The following CERS3 variants were observed in gnomAD, a reference collection of about 807,000 sequenced individuals.
CERS3 encodes the protein LAG1 homolog, ceramide synthase 3.
A neutral mutation model predicts 50.3 loss-of-function variants in CERS3; 33 were observed. The observed-to-expected ratio is 0.66, with a 90% CI of 0.50 to 0.88. The LOEUF (loss-of-function observed/expected upper bound fraction) is 0.88, where lower values mean the gene tolerates loss of function less well. Ranked by LOEUF, CERS3 falls within the 40% of genes least tolerant of loss-of-function variation. The pLI is 0.00. For synonymous variants in CERS3, 176 were observed against 155.2 expected, an observed-to-expected ratio of 1.13 and a Z score of -0.99; for missense variants, 470 against 460.3, an observed-to-expected ratio of 1.02 and a Z score of -0.19.
intron 5 of CERS3, among the ~76,000 whole-genome samples, chr15:100,483,787 A>ATTATTATTTATT (rs760594142): frequency 1.0e-5 from 1 of 100,040 alleles, no homozygotes; most frequent in Non-Finnish European, 1.9e-5. Context: ...TATTATTATT[A>ATTATTATTTATT]TTTTTTTTTT....
At chr15:100,539,424 A>ACTTT (rs2037148440) in intron 1 of CERS3, among the ~76,000 whole-genome samples, 1 of 152,208 alleles carries the variant, frequency 6.6e-6, no homozygotes, top group Non-Finnish European at 1.5e-5. Context: ...CATAAAGGAA[A>ACTTT]GTGGTTTAAC....
chr15:100,446,817 T>C (rs1414856438), intron 11 of CERS3, among the ~76,000 whole-genome samples: 6 of 152,130 alleles, frequency 3.9e-5, no homozygotes, highest in African/African-American at 1.4e-4. Context: ...GTTGAGGCCA[T>C]GATGGGAAGT....
chr15:100,512,943 A>C (rs1365918184), intron 2 of CERS3, among the ~76,000 whole-genome samples: 1 of 152,178 alleles, frequency 6.6e-6, no homozygotes. Context: ...TCCAAAATTT[A>C]ATGTCTCCAT....
chr15:100,525,904 G>A (rs2036774331), intron 1 of CERS3, among the ~76,000 whole-genome samples: 1 of 152,082 alleles, frequency 6.6e-6, no homozygotes, highest in African/African-American at 2.4e-5. Context: ...GTTGGCACAA[G>A]GATTTTTTCA....
intron 2 of CERS3, among the ~76,000 whole-genome samples, chr15:100,508,851 T>C (rs7181200): frequency 0.98 from 149,566 of 152,220 alleles, 73,533 homozygotes; most frequent in Middle Eastern, 1. Flanking sequence ...TTTCTCATCC[T>C]GTGTGCATTC....
At chr15:100,420,231 A>C (rs1308758351) in intron 11 of CERS3, among the ~76,000 whole-genome samples, 1 of 145,536 alleles carries the variant, frequency 6.9e-6, no homozygotes, top group Non-Finnish European at 1.5e-5. Context: ...AGACGCAATA[A>C]AAAATGATAA....
intron 10 of CERS3, among the ~76,000 whole-genome samples, chr15:100,468,362 G>A (rs1429529215): frequency 6.6e-6 from 1 of 152,062 alleles, no homozygotes; most frequent in Non-Finnish European, 1.5e-5. Context: ...AATCCAGGAT[G>A]GACTCTCACA....
chr15:100,410,246 G>T (rs1434228240), intron 11 of CERS3, among the ~76,000 whole-genome samples: 3 of 152,168 alleles, frequency 2.0e-5, no homozygotes, highest in African/African-American at 7.2e-5. Context: ...CAAGTTCCTA[G>T]CTTAATAGTG....
intron 5 of CERS3, 101 bp downstream of exon 5, chr15:100,484,449 C>CAGAGGG: frequency 1.2e-6 from 1 of 816,960 alleles, no homozygotes; most frequent in Non-Finnish European, 2.1e-6. Context: ...AGAGCTGGGT[C>CAGAGGG]TGAACCCTCC....
chr15:100,541,289 T>A (rs1369137523), intron 1 of CERS3, among the ~76,000 whole-genome samples: 1 of 152,194 alleles, frequency 6.6e-6, no homozygotes, highest in Non-Finnish European at 1.5e-5. Flanking sequence ...CTGACCAACA[T>A]GGCGAAACCC....
Position 100,467,837 on chromosome 15 carries a change from G to GTGTATATATA in CERS3, c.845+1540_845+1541insTATATATACA, listed in dbSNP as rs1320355108. Among the ~76,000 whole-genome samples the GTGTATATATA allele has an allele frequency of 4.6e-4, 26 of 56,384 alleles. 1 individual carries two copies. Among genetic ancestry groups the GTGTATATATA allele is most frequent in the African/African-American group, 1.4e-3 (26 of 18,030 alleles). The allele number at this position is 56,384 out of a possible 152,430, so 37.0% of individuals were successfully genotyped here. ...TATATATATGTGTATATATATACGT[G>GTGTATATATA]TATATATATATATATAGATAGATAG... On this transcript the variant is annotated intron_variant, in intron 10 of 11. Transcript: ENST00000679737.
chr15:100,402,477 A>G lies in CERS3; in HGVS notation c.*236T>C. On this transcript the variant is annotated 3_prime_UTR_variant, in exon 12 of 12. Transcript: ENST00000679737. ...AGAACTGAGACGGTTCTGTGGAGAAATCTTTGAAATCTTTGACCAGTCTGA... is the reference window on the plus strand; with the variant it reads ...AGAACTGAGACGGTTCTGTGGAGAAGTCTTTGAAATCTTTGACCAGTCTGA... 1 of 510,540 alleles carries G rather than the reference A, an allele frequency of 2.0e-6. No individual in the cohort carries two copies. The highest frequency in any genetic ancestry group is 3.5e-6 in the Non-Finnish European group (1 of 287,688). 31.6% of individuals were successfully genotyped at this position (510,540 alleles called of 1,614,324 possible).
intron 7 of CERS3, among the ~76,000 whole-genome samples, chr15:100,479,105 G>T (rs2035222475): frequency 6.6e-6 from 1 of 152,012 alleles, no homozygotes; most frequent in South Asian, 2.1e-4. Flanking sequence ...GGATGAAAAA[G>T]AATAGTATTT....
At position 100,454,430 on chromosome 15, in the gene CERS3, T is replaced by TA. The variant is rs1219036260; in HGVS notation, c.999+1462dup. 1.5e-4 allele frequency among the ~76,000 whole-genome samples: 18 copies of TA among 116,912 alleles called. 1 individual carries two copies. The East Asian group carries it at 2.9e-3, about 19-fold the overall frequency. The allele number at this position is 116,912 out of a possible 152,430, so 76.7% of individuals were successfully genotyped here. ...ATACCAATGCCATTTTTCACAGAAA[T>TA]AAAAAAATACATACATTGGGGGAAA... On this transcript the variant is annotated intron_variant, in intron 11 of 11. Coordinates refer to ENST00000679737, the MANE Select transcript of CERS3 (RefSeq NM_001378789.1).
chr15:100,520,827 C>CA (rs1567680154), intron 2 of CERS3, among the ~76,000 whole-genome samples: 3 of 152,072 alleles, frequency 2.0e-5, no homozygotes, highest in Admixed American at 2.0e-4. Context: ...CAGCTGGTGC[C>CA]GGGAGAGCAT....
chr15:100,405,240 AAAAAAAAAC>A (rs746172108), intron 11 of CERS3, among the ~76,000 whole-genome samples: 11,193 of 70,728 alleles, frequency 0.16, 549 homozygotes, highest in South Asian at 0.38. Flanking sequence ...TGGTAAAAAA[AAAAAAAAAC>A]AAAAAAAAAC....
At chr15:100,439,478 T>C (rs1567615590) in intron 11 of CERS3, among the ~76,000 whole-genome samples, 1 of 152,238 alleles carries the variant, frequency 6.6e-6, no homozygotes, top group Non-Finnish European at 1.5e-5. Context: ...ACTCACAATC[T>C]CTGTTACAAG....
chr15:100,530,307 A>G (rs1265436256), upstream of CERS3, among the ~76,000 whole-genome samples: 1 of 152,084 alleles, frequency 6.6e-6, no homozygotes, highest in Non-Finnish European at 1.5e-5. Context: ...TCTACCAGCC[A>G]CCTTCTACCT....
chr15:100,498,996 CA>C (rs1197871909), intron 3 of CERS3, among the ~76,000 whole-genome samples: 3 of 152,144 alleles, frequency 2.0e-5, no homozygotes, highest in Non-Finnish European at 2.9e-5. Flanking sequence ...CAGTTAGTAA[CA>C]ATACTTCTTC....
Sources: allele counts gnomAD v4.1 joint callset (sites outside exome capture counted in the v4.1 genomes callset), GRCh38; gene constraint gnomAD v4.1.1; transcripts MANE v1.5; gene names NCBI Gene and HGNC (gene_info 2026-07-23, HGNC 2026-07-21).